Variants in AFG1L observed in about 807,000 individuals in gnomAD.
AFG1L encodes AFG1-like ATPase.
A neutral mutation model predicts 62.2 loss-of-function variants in AFG1L; 53 were observed. The observed-to-expected ratio is 0.85, with a 90% confidence interval of 0.68 to 1.07. The LOEUF is 1.07. Among genes scored for constraint, AFG1L ranks in the 50% least tolerant of loss-of-function variants. The pLI, the probability that AFG1L is intolerant of heterozygous loss-of-function variation, is 0.00. For missense variants in AFG1L, 555 were observed against 590.5 expected (o/e 0.94, Z 0.62); for synonymous variants, 228 against 210.3 (o/e 1.08, Z -0.73).
rs1183201564 is a variant in AFG1L at position 108,486,250 on chromosome 6, TTTC to T, written c.1062+8961_1062+8963del. Reference sequence around the variant, plus strand: ...TGCTTACCTGTCAACTGGCCTGGTTTTTCTTAAACAGAAATTTTTTTTTAATCA... The same window carrying T: ...TGCTTACCTGTCAACTGGCCTGGTTTTTAAACAGAAATTTTTTTTTAATCA... On this transcript the variant is annotated intron_variant, in intron 10 of 12. Coordinates refer to ENST00000368977, the MANE Select transcript of AFG1L (RefSeq NM_145315.5). Among the ~76,000 whole-genome samples, 12 of 152,322 alleles carry T rather than the reference TTTC, an allele frequency of 7.9e-5. No homozygotes were observed. In the East Asian group the frequency reaches 1.7e-3, roughly 22 times the overall value.
At chr6:108,392,249 G>A (rs995545764) in intron 6 of AFG1L, 1 of 152,154 alleles carries the variant, frequency 6.6e-6, no homozygotes, top group Non-Finnish European at 1.5e-5. Flanking sequence ...ACCACAGATT[G>A]TCCTCATGGG....
intron 2 of AFG1L, among the ~76,000 whole-genome samples, chr6:108,336,471 C>A (rs78136659): frequency 1.3e-5 from 2 of 151,996 alleles, no homozygotes; most frequent in African/African-American, 2.4e-5. Context: ...ATGAGAATCA[C>A]CTTGGATCAT....
chr6:108,522,947 C>A lies in AFG1L; in HGVS notation c.*522C>A, dbSNP rs1435110751. ...TTTGGTTATGAATTACAGTAAATCT[C>A]CCAGGCCTTCAGATTTCTACATAAT... On this transcript the variant is annotated 3_prime_UTR_variant, in exon 13 of 13. Transcript: ENST00000368977. 6.6e-6 allele frequency: 1 copy of A among 151,182 alleles called. No individual in the cohort carries two copies. The highest frequency in any genetic ancestry group is 1.5e-5 in the Non-Finnish European group (1 of 67,882). 9.4% of individuals were successfully genotyped at this position (151,182 alleles called of 1,614,324 possible). A position where few individuals can be genotyped will look rare whatever the true frequency, so the allele number is the denominator to read the frequency against.
intron 2 of AFG1L, among the ~76,000 whole-genome samples, chr6:108,325,986 G>A (rs368196018): frequency 2.1e-4 from 32 of 150,946 alleles, no homozygotes; most frequent in African/African-American, 7.5e-4. Context: ...CATACTGGCC[G>A]GGCTTGTCTT....
rs568289404 is a variant in AFG1L at position 108,474,781 on chromosome 6, G to T, written c.891-2084G>T. Among the ~76,000 whole-genome samples, 8 of 152,130 alleles carry T rather than the reference G, an allele frequency of 5.3e-5. No homozygotes were observed. In the South Asian group the frequency reaches 1.7e-3, roughly 32 times the overall value. ...TTTGTTTAAGTTCCTTGTAGATTCT[G>T]GATATTAAACCTTTGTCAGATGGGT... On this transcript the variant is annotated intron_variant, in intron 8 of 12. Coordinates refer to ENST00000368977, the MANE Select transcript of AFG1L (RefSeq NM_145315.5).
chr6:108,413,794 T>C (rs1782225432), intron 7 of AFG1L, among the ~76,000 whole-genome samples: 1 of 151,706 alleles, frequency 6.6e-6, no homozygotes, highest in Admixed American at 6.6e-5. Context: ...TTTATAACAC[T>C]AAATGCCCAC....
intron 1 of AFG1L, among the ~76,000 whole-genome samples, chr6:108,321,204 C>A (rs1326930194): frequency 6.6e-6 from 1 of 152,180 alleles, no homozygotes; most frequent in South Asian, 2.1e-4. Flanking sequence ...ATTCCCATAG[C>A]CTTCCTCCCC....
chr6:108,445,032 G>A (rs1201360401), intron 7 of AFG1L, among the ~76,000 whole-genome samples: 3 of 152,220 alleles, frequency 2.0e-5, no homozygotes, highest in Non-Finnish European at 2.9e-5. Flanking sequence ...CTGTTGTTTA[G>A]TGTAGTCACC....
intron 7 of AFG1L, among the ~76,000 whole-genome samples, chr6:108,439,089 A>G (rs1306426337): frequency 6.6e-6 from 1 of 152,194 alleles, no homozygotes; most frequent in Admixed American, 6.5e-5. Context: ...TTTATTTTGT[A>G]GAGGAGAAAA....
At chr6:108,400,302 T>C (rs949200686) in intron 6 of AFG1L, among the ~76,000 whole-genome samples, 14 of 151,960 alleles carry the variant, frequency 9.2e-5, no homozygotes, top group Admixed American at 2.6e-4. Flanking sequence ...TTTTCCCCCA[T>C]TTCGTATGAT....
At chr6:108,300,674 AC>A (rs1776956411) in intron 1 of AFG1L, among the ~76,000 whole-genome samples, 1 of 147,754 alleles carries the variant, frequency 6.8e-6, no homozygotes, top group South Asian at 2.1e-4. Flanking sequence ...GTTTGAACTT[AC>A]TTTTTTTTTT....
In AFG1L at chr6:108,510,320, A is replaced by T. The variant is rs765631231; in HGVS notation, c.1171A>T (p.Ile391Leu). The change falls in exon 11 of 13, where the codon ATA (isoleucine) becomes TTA (leucine). Residue 391 changes from isoleucine to leucine, a missense_variant. Coordinates refer to ENST00000368977, the MANE Select transcript of AFG1L (RefSeq NM_145315.5). ...AAACAGGACTCAAGGTCGAAGATTC[A>T]TAACTCTCATCGATAACTTTTATGA... ...LANRTQGRRFITLIDNFYDLK... is the reference protein window; with the variant it reads ...LANRTQGRRFLTLIDNFYDLK... 2 of 1,611,752 alleles carry T rather than the reference A, an allele frequency of 1.2e-6. No individual in the cohort carries two copies. The highest frequency in any genetic ancestry group is 8.5e-7 in the Non-Finnish European group (1 of 1,179,180).
intron 5 of AFG1L, chr6:108,358,964 G>A (rs1162366414): frequency 6.6e-6 from 1 of 152,260 alleles, no homozygotes; most frequent in Non-Finnish European, 1.5e-5. Flanking sequence ...AACTTGCCCA[G>A]TCGGTGCAGC....
chr6:108,421,961 C>T lies in AFG1L; in HGVS notation c.807+19907C>T, dbSNP rs969989703. Among the ~76,000 whole-genome samples the T allele has an allele frequency of 2.0e-5, 3 of 151,974 alleles. No individual in the cohort carries two copies. In the East Asian group the frequency reaches 5.8e-4, roughly 29 times the overall value. The stretch of plus-strand genomic sequence containing the variant: ...CATGAAAAAGATGCTTGCTATATTC[C>T]CTTTTGCCTTTAAATCAGTAACATT... On this transcript the variant is annotated intron_variant, in intron 7 of 12. Transcript: ENST00000368977.
At chr6:108,334,914 C>G (rs1582392758) in intron 2 of AFG1L, among the ~76,000 whole-genome samples, 1 of 152,254 alleles carries the variant, frequency 6.6e-6, no homozygotes, top group South Asian at 2.1e-4. Context: ...AAGCTGCCCA[C>G]CCTCCATCCT....
Position 108,356,681 on chromosome 6 carries a change from G to A in AFG1L, c.518-9G>A, listed in dbSNP as rs370277893. Reference sequence around the variant, plus strand: ...ATATTTCATCTGTGTTTAATTTCATGCATTTAAGGAATACATCGCCTTAAA... The same window carrying A: ...ATATTTCATCTGTGTTTAATTTCATACATTTAAGGAATACATCGCCTTAAA... On this transcript the variant is annotated splice_polypyrimidine_tract_variant and intron_variant, in intron 4 of 12. Transcript: ENST00000368977. The A allele has an allele frequency of 1.5e-5, 23 of 1,573,452 alleles. No homozygotes were observed. In the African/African-American group the frequency reaches 2.5e-4, roughly 17 times the overall value.
chr6:108,320,741 C>T (rs1398882649), intron 1 of AFG1L, among the ~76,000 whole-genome samples: 1 of 152,018 alleles, frequency 6.6e-6, no homozygotes, highest in Non-Finnish European at 1.5e-5. Context: ...GGGGGCATGG[C>T]AGGCCCTAAG....
At chr6:108,298,494 G>A (rs1190583027) in intron 1 of AFG1L, among the ~76,000 whole-genome samples, 3 of 152,120 alleles carry the variant, frequency 2.0e-5, no homozygotes, top group Non-Finnish European at 2.9e-5. Flanking sequence ...TTGAACTCCT[G>A]ACCTCAGGTG....
intron 7 of AFG1L, among the ~76,000 whole-genome samples, chr6:108,437,967 G>A (rs1771382790): frequency 1.3e-5 from 2 of 152,162 alleles, no homozygotes; most frequent in Non-Finnish European, 1.5e-5. Flanking sequence ...ACTGTGAATT[G>A]TGAATTTACT....
Sources: allele counts gnomAD v4.1 joint callset (sites outside exome capture counted in the v4.1 genomes callset), GRCh38; gene constraint gnomAD v4.1.1; transcripts MANE v1.5; gene names NCBI Gene and HGNC (gene_info 2026-07-23, HGNC 2026-07-21).